The following BTNL8 variants were observed in gnomAD, a reference collection of about 807,000 sequenced individuals.
BTNL8 encodes butyrophilin like 8, also known as butyrophilin-like protein 8.
In BTNL8, 22 loss-of-function variants were observed where a neutral mutation model predicts 36.1. The ratio of observed to expected loss-of-function variants is 0.61; its 90% CI spans 0.44 to 0.87. BTNL8 has a LOEUF of 0.87. Ranked by LOEUF, BTNL8 falls within the 40% of genes least tolerant of loss-of-function variation. The pLI, the probability that BTNL8 is intolerant of heterozygous loss-of-function variation, is 0.00. For synonymous variants in BTNL8, 203 were observed against 235.6 expected, an observed-to-expected ratio of 0.86 and a Z score of 1.27; for missense variants, 526 against 616.9, an observed-to-expected ratio of 0.85 and a Z score of 1.56.
At chr5:180,947,878 G>A (rs1324852756) in intron 4 of BTNL8, 6 of 1,341,120 alleles carry the variant, frequency 4.5e-6, no homozygotes, top group Non-Finnish European at 5.1e-6. Flanking sequence ...TACCTATAGA[G>A]AGAGCTTGGA....
intron 3 of BTNL8, 33 bp downstream of exon 3, chr5:180,911,647 G>A (rs757228791): frequency 6.4e-7 from 1 of 1,571,212 alleles, no homozygotes; most frequent in Admixed American, 1.7e-5. Flanking sequence ...GAGAAGGAGG[G>A]GTGGATGCTT....
intron 3 of BTNL8, among the ~76,000 whole-genome samples, chr5:180,934,365 C>T (rs1758545191): frequency 6.6e-6 from 1 of 152,236 alleles, no homozygotes; most frequent in African/African-American, 2.4e-5. Context: ...TGCTTTTCCT[C>T]TGGAAACCTT....
Position 180,899,173 on chromosome 5 carries a change from TGCCCTCCGCTCACGCAGA to T in BTNL8, c.-134_-117del. ...AGTAGACTCTCAGAACAGCGCAGTT[TGCCCTCCGCTCACGCAGA>T]GCCTCTCCGTGGCTTCCGCACCTTG... On this transcript the variant is annotated 5_prime_UTR_variant, in exon 1 of 8. Coordinates refer to ENST00000340184, the MANE Select transcript of BTNL8 (RefSeq NM_001040462.3). 1.1e-6 allele frequency: 1 copy of T among 921,906 alleles called. No homozygotes were observed. The highest frequency in any genetic ancestry group is 1.7e-6 in the Non-Finnish European group (1 of 576,984). 57.1% of individuals were successfully genotyped at this position (921,906 alleles called of 1,614,324 possible).
intron 6 of BTNL8, 51 bp from the exon 7 acceptor site, chr5:180,949,188 C>T (rs1561949811): frequency 6.9e-7 from 1 of 1,443,588 alleles, no homozygotes; most frequent in Non-Finnish European, 9.5e-7. Flanking sequence ...CTCCCTGCGC[C>T]CTGTTTCCCA....
chr5:180,927,100 C>T (rs560971888), intron 3 of BTNL8, among the ~76,000 whole-genome samples: 1 of 152,108 alleles, frequency 6.6e-6, no homozygotes, highest in African/African-American at 2.4e-5. Context: ...TGGATGCCCC[C>T]CTGGGACGAA....
intron 3 of BTNL8, among the ~76,000 whole-genome samples, chr5:180,945,162 T>C (rs979674124): frequency 2.6e-5 from 4 of 152,228 alleles, no homozygotes; most frequent in Admixed American, 2.0e-4. Context: ...AGTACGCCCA[T>C]GTGTTTATGA....
chr5:180,924,966 T>TA (rs1206669886), intron 3 of BTNL8, among the ~76,000 whole-genome samples: 1 of 151,724 alleles, frequency 6.6e-6, no homozygotes, highest in Admixed American at 6.6e-5. Flanking sequence ...ATAAAAACAA[T>TA]AAAATAGTTA....
At chr5:180,922,059 T>C (rs1396777067) in intron 3 of BTNL8, among the ~76,000 whole-genome samples, 1 of 133,964 alleles carries the variant, frequency 7.5e-6, no homozygotes, top group Non-Finnish European at 1.6e-5. Flanking sequence ...TCATTTCTGA[T>C]TGTGTTTATT....
In BTNL8 at chr5:180,908,743, C is replaced by T. The variant is rs112784813; in HGVS notation, c.207C>T (p.Asp69=). The T allele has an allele frequency of 0.029, 46,464 of 1,613,936 alleles. 6,693 individuals are homozygous for T. In the African/African-American group the frequency reaches 0.41, roughly 14 times the overall value. Residue 69 remains aspartate, a synonymous_variant, in exon 2 of 8, where the codon GAC becomes GAT. Transcript: ENST00000340184. The part of the protein sequence containing the change: ...QFSSVVHLYR[D]GKDQPFMQMP... ...CTAGCGTGGTCCACCTCTACAGGGA[C>T]GGGAAGGACCAGCCATTTATGCAGA...
chr5:180,940,329 A>G (rs963131734), intron 3 of BTNL8, among the ~76,000 whole-genome samples: 2 of 149,746 alleles, frequency 1.3e-5, no homozygotes, highest in African/African-American at 2.4e-5. Flanking sequence ...ACAGAGCAAG[A>G]CTTCATCTCA....
chr5:180,940,925 CA>C (rs1051381214), intron 3 of BTNL8, among the ~76,000 whole-genome samples: 1 of 151,512 alleles, frequency 6.6e-6, no homozygotes, highest in Non-Finnish European at 1.5e-5. Context: ...ACAATAACAA[CA>C]AAAAAAACCC....
At chr5:180,923,525 A>C (rs988667655) in intron 3 of BTNL8, among the ~76,000 whole-genome samples, 1 of 152,162 alleles carries the variant, frequency 6.6e-6, no homozygotes, top group Non-Finnish European at 1.5e-5. Flanking sequence ...TTCATCTGAT[A>C]GAAAGCTATT....
intron 3 of BTNL8, among the ~76,000 whole-genome samples, chr5:180,942,318 C>T (rs1375892087): frequency 6.6e-6 from 1 of 152,122 alleles, no homozygotes; most frequent in Non-Finnish European, 1.5e-5. Flanking sequence ...AAAGATACCC[C>T]ATGTTCCTGA....
At chr5:180,917,620 C>A (rs1224455068) in intron 3 of BTNL8, among the ~76,000 whole-genome samples, 1 of 149,740 alleles carries the variant, frequency 6.7e-6, no homozygotes, top group African/African-American at 2.5e-5. Context: ...AAAAAAAATA[C>A]CAGACCAGTA....
At chr5:180,927,290 C>G (rs1016741858) in intron 3 of BTNL8, among the ~76,000 whole-genome samples, 2 of 152,122 alleles carry the variant, frequency 1.3e-5, no homozygotes, top group African/African-American at 4.8e-5. Flanking sequence ...ATCAACACAA[C>G]AAAAAGGATG....
chr5:180,922,104 C>G (rs1382420716), intron 3 of BTNL8, among the ~76,000 whole-genome samples: 3 of 151,632 alleles, frequency 2.0e-5, no homozygotes, highest in Non-Finnish European at 2.9e-5. Context: ...ATTAGCCTAG[C>G]TAGTGGTCTA....
chr5:180,915,977 C>G (rs2113794494), intron 3 of BTNL8, among the ~76,000 whole-genome samples: 1 of 152,272 alleles, frequency 6.6e-6, no homozygotes, highest in Admixed American at 6.5e-5. Context: ...ACCAGAATAC[C>G]TGAGATTGGG....
At chr5:180,909,678 G>T in intron 2 of BTNL8, 1 of 703,150 alleles carries the variant, frequency 1.4e-6, no homozygotes, top group Non-Finnish European at 1.7e-6. Context: ...CCAGGAGCTC[G>T]AGACCAGCCT....
rs541300197 is a variant in BTNL8, at chr5:180,935,694, T to G, written c.674-11818T>G. Among the ~76,000 whole-genome samples the G allele has an allele frequency of 6.6e-6, 1 of 152,272 alleles. No individual in the cohort carries two copies. Among genetic ancestry groups the G allele is most frequent in the South Asian group, 2.1e-4 (1 of 4,828 alleles). ...CCCAGAGCACAGGACTCCTGCCCCG[T>G]GGACTTGGTAGAGAGTGGGGCTCCC... On this transcript the variant is annotated intron_variant, in intron 3 of 7. Transcript: ENST00000340184. The surrounding 1 kb of genome is among the most constrained non-coding windows in gnomAD (Gnocchi z 4.8).
Sources: allele counts gnomAD v4.1 joint callset (sites outside exome capture counted in the v4.1 genomes callset), GRCh38; gene constraint gnomAD v4.1.1; non-coding constraint Gnocchi (gnomAD v3.1); transcripts MANE v1.5; gene names NCBI Gene and HGNC (gene_info 2026-07-23, HGNC 2026-07-21).